The following CAMK2D variants were observed in gnomAD, a reference collection of about 807,000 sequenced individuals.
CAMK2D encodes the protein calcium/calmodulin dependent protein kinase II delta, also known as calcium/calmodulin-dependent protein kinase type II subunit delta.
Under a neutral mutation model 84.0 loss-of-function variants are expected in CAMK2D, and 37 were observed. That is an observed-to-expected ratio of 0.44 (90% CI 0.34 to 0.58). The LOEUF (loss-of-function observed/expected upper bound fraction) is 0.58. CAMK2D is among the 20% of genes least tolerant of loss of function. The probability of loss-of-function intolerance (pLI) is 0.02; values close to 1 mark genes in which losing one functional copy is unlikely to be tolerated. For missense variants in CAMK2D, 448 were observed against 652.5 expected, an observed-to-expected ratio of 0.69 and a Z score of 3.41; for synonymous variants, 202 against 212.5, an observed-to-expected ratio of 0.95 and a Z score of 0.43.
chr4:113,464,412 A>T (rs1169799519), intron 17 of CAMK2D, among the ~76,000 whole-genome samples: 2 of 152,152 alleles, frequency 1.3e-5, no homozygotes, highest in African/African-American at 2.4e-5. Context: ...TGGTTTTTTA[A>T]TTAAAGTATA....
At chr4:113,714,172 T>C (rs1444818644) in intron 2 of CAMK2D, among the ~76,000 whole-genome samples, 1 of 152,104 alleles carries the variant, frequency 6.6e-6, no homozygotes, top group Admixed American at 6.6e-5. Context: ...TCCCTATTTC[T>C]ATTAGTTTAT....
At chr4:113,741,017 T>C (rs1409358575) in intron 2 of CAMK2D, among the ~76,000 whole-genome samples, 1 of 152,170 alleles carries the variant, frequency 6.6e-6, no homozygotes, top group Non-Finnish European at 1.5e-5. Flanking sequence ...ATGTGAATCA[T>C]CCCTTTGTCC....
chr4:113,740,069 C>A (rs1235225632), intron 2 of CAMK2D, among the ~76,000 whole-genome samples: 3 of 152,074 alleles, frequency 2.0e-5, no homozygotes, highest in African/African-American at 7.2e-5. Context: ...ATAATTGAAT[C>A]CTATACTATA....
chr4:113,558,061 G>C lies in CAMK2D; in HGVS notation c.276-5965C>G, dbSNP rs374839313. Among the ~76,000 whole-genome samples, 13 of 152,234 alleles carry C rather than the reference G, an allele frequency of 8.5e-5. No homozygotes were observed. In the East Asian group the frequency reaches 2.3e-3, roughly 27 times the overall value. On this transcript the variant is annotated intron_variant, in intron 4 of 20. Transcript: ENST00000511664. ...ATGCAAGACACTCTTTTGGAGGTGA[G>C]GAATCTGGCTGAAAAGAGTTGGTTA...
At chr4:113,616,494 C>A (rs1024830947) in intron 3 of CAMK2D, among the ~76,000 whole-genome samples, 1 of 152,136 alleles carries the variant, frequency 6.6e-6, no homozygotes, top group Admixed American at 6.5e-5. Context: ...TAAGCCAGCA[C>A]TAATTAGAAG....
At chr4:113,619,226 T>C (rs1397146288) in intron 3 of CAMK2D, among the ~76,000 whole-genome samples, 4 of 85,224 alleles carry the variant, frequency 4.7e-5, no homozygotes, top group African/African-American at 3.0e-4. Flanking sequence ...GGAATATACA[T>C]ACATATATAG....
rs564135118 is a variant in CAMK2D, at chr4:113,464,880, T to G, written c.1211+649A>C. Among the ~76,000 whole-genome samples the G allele has an allele frequency of 1.4e-4, 22 of 152,344 alleles. No homozygotes were observed. The South Asian group carries it at 3.3e-3, about 23-fold the overall frequency. Reference sequence around the variant, plus strand: ...ACATTTTATGTACTTTCATATTTTTTTGTGTGTTTGCTCACATGAATTGCT... The same window carrying G: ...ACATTTTATGTACTTTCATATTTTTGTGTGTGTTTGCTCACATGAATTGCT... On this transcript the variant is annotated intron_variant, in intron 17 of 20. Transcript: ENST00000511664.
At chr4:113,754,758 GAATGTTTAATATC>G in intron 2 of CAMK2D, 1 of 980,126 alleles carries the variant, frequency 1.0e-6, no homozygotes, top group Admixed American at 6.2e-5. Context: ...AGAAGAAAAT[GAATGTTTAATATC>G]AAGACCTATA....
At chr4:113,722,237 CTTAT>C (rs1310801768) in intron 2 of CAMK2D, among the ~76,000 whole-genome samples, 2 of 152,160 alleles carry the variant, frequency 1.3e-5, no homozygotes, top group Non-Finnish European at 2.9e-5. Flanking sequence ...AGCCCATCAA[CTTAT>C]TTGTCTTCAT....
At chr4:113,676,433 G>A (rs771103416) in intron 2 of CAMK2D, among the ~76,000 whole-genome samples, 1 of 151,970 alleles carries the variant, frequency 6.6e-6, no homozygotes, top group Non-Finnish European at 1.5e-5. Context: ...AAACCATCAG[G>A]AATACCAGTC....
intron 2 of CAMK2D, among the ~76,000 whole-genome samples, chr4:113,715,212 T>C (rs573944615): frequency 2.0e-5 from 3 of 152,226 alleles, no homozygotes; most frequent in Admixed American, 6.5e-5. Context: ...CTAGCAACTT[T>C]TGTTGATATT....
intron 16 of CAMK2D, among the ~76,000 whole-genome samples, chr4:113,482,176 G>T (rs1487320931): frequency 1.3e-5 from 2 of 152,184 alleles, no homozygotes; most frequent in African/African-American, 4.8e-5. Flanking sequence ...GTAAGCAGAA[G>T]CAGGTCAATG....
chr4:113,689,777 A>C (rs1363001731), intron 2 of CAMK2D, among the ~76,000 whole-genome samples: 1 of 152,186 alleles, frequency 6.6e-6, no homozygotes. Flanking sequence ...CTACAATCTG[A>C]AATTATCACA....
At chr4:113,609,242 C>A (rs768313221) in intron 3 of CAMK2D, 36 bp from the exon 4 acceptor site, 3 of 1,112,720 alleles carry the variant, frequency 2.7e-6, no homozygotes, top group Non-Finnish European at 4.1e-6. Context: ...TTGTGTTATA[C>A]CTATTCCAAC....
chr4:113,747,357 A>G (rs2099606959), intron 2 of CAMK2D, among the ~76,000 whole-genome samples: 1 of 149,336 alleles, frequency 6.7e-6, no homozygotes. Flanking sequence ...TCTTACTGCT[A>G]AAAGTTCTAG....
intron 3 of CAMK2D, among the ~76,000 whole-genome samples, chr4:113,616,801 AT>A (rs2099023051): frequency 6.6e-6 from 1 of 152,218 alleles, no homozygotes; most frequent in African/African-American, 2.4e-5. Flanking sequence ...AAAAACATAA[AT>A]TTAAGGGTAA....
chr4:113,480,688 A>G (rs2097691040), intron 16 of CAMK2D, among the ~76,000 whole-genome samples: 1 of 152,100 alleles, frequency 6.6e-6, no homozygotes, highest in South Asian at 2.1e-4. Flanking sequence ...TAAAAATACA[A>G]AAATTAGCTC....
chr4:113,472,818 C>T (rs1042401252), intron 16 of CAMK2D, among the ~76,000 whole-genome samples: 2 of 152,182 alleles, frequency 1.3e-5, no homozygotes, highest in African/African-American at 2.4e-5. Context: ...TTTGTATCAT[C>T]TTAAGTTAGC....
intron 16 of CAMK2D, among the ~76,000 whole-genome samples, chr4:113,465,929 G>T (rs568000515): frequency 2.6e-5 from 4 of 152,280 alleles, no homozygotes; most frequent in African/African-American, 9.6e-5. Flanking sequence ...TCACCTGAAA[G>T]GTCGGTCAAG....
Sources: gnomAD v4.1 joint callset for allele counts (sites outside exome capture counted in the v4.1 genomes callset) on GRCh38, gnomAD v4.1.1 for gene constraint, MANE v1.5 for transcripts, NCBI Gene and HGNC (gene_info 2026-07-23, HGNC 2026-07-21) for gene names.